Variants in NEK11 observed in about 807,000 individuals in gnomAD.
NEK11 encodes the protein serine/threonine-protein kinase Nek11.
NEK11 carries 72 observed loss-of-function variants against 80.7 expected under a neutral mutation model. The observed-to-expected ratio is 0.89, with a 90% CI of 0.74 to 1.08. The LOEUF (loss-of-function observed/expected upper bound fraction) is 1.08. NEK11 is among the 50% of genes least tolerant of loss of function. The pLI is 0.00. For synonymous variants in NEK11, 251 were observed against 260.7 expected (o/e 0.96, Z 0.36); for missense variants, 764 against 763.6 (o/e 1.00, Z -0.01).
chr3:131,341,762 CT>C (rs1172022125), intron 17 of NEK11, among the ~76,000 whole-genome samples: 1 of 151,940 alleles, frequency 6.6e-6, no homozygotes, highest in African/African-American at 2.4e-5. Flanking sequence ...TCTAATAATG[CT>C]TTTTTAACTT....
intron 3 of NEK11, among the ~76,000 whole-genome samples, chr3:131,050,895 G>A (rs1172146052): frequency 1.3e-5 from 2 of 151,956 alleles, no homozygotes; most frequent in Non-Finnish European, 2.9e-5. Flanking sequence ...GCATGGTGGC[G>A]CATGCCTGCA....
At chr3:131,184,351 T>G (rs1166758808) in intron 14 of NEK11, among the ~76,000 whole-genome samples, 1 of 152,184 alleles carries the variant, frequency 6.6e-6, no homozygotes, top group Non-Finnish European at 1.5e-5. Flanking sequence ...GATCAGAAGA[T>G]GCATTTTTAA....
intron 7 of NEK11, among the ~76,000 whole-genome samples, chr3:131,149,105 C>T (rs1175848045): frequency 6.6e-6 from 1 of 151,840 alleles, no homozygotes; most frequent in Non-Finnish European, 1.5e-5. Context: ...CAGCAACCGC[C>T]TTCTTTATTT....
chr3:131,260,235 G>A (rs1174182435), intron 16 of NEK11, among the ~76,000 whole-genome samples: 1 of 151,838 alleles, frequency 6.6e-6, no homozygotes, highest in Non-Finnish European at 1.5e-5. Flanking sequence ...ATTTGGTTGT[G>A]GCACTTCTAT....
At chr3:131,296,959 G>A (rs1197326522) in intron 17 of NEK11, among the ~76,000 whole-genome samples, 2 of 151,948 alleles carry the variant, frequency 1.3e-5, no homozygotes, top group Non-Finnish European at 2.9e-5. Context: ...ATGATTTCCA[G>A]TTTCATCCAT....
At chr3:131,314,637 A>G (rs932272043) in intron 17 of NEK11, among the ~76,000 whole-genome samples, 1 of 152,202 alleles carries the variant, frequency 6.6e-6, no homozygotes, top group Non-Finnish European at 1.5e-5. Context: ...TGGAGCTGAG[A>G]TAATAGCTGA....
intron 17 of NEK11, among the ~76,000 whole-genome samples, chr3:131,274,726 T>G (rs1290745291): frequency 7.5e-6 from 1 of 132,710 alleles, no homozygotes; most frequent in African/African-American, 2.8e-5. Flanking sequence ...CAATCTCGGC[T>G]CACTGCAAGC....
intron 14 of NEK11, among the ~76,000 whole-genome samples, chr3:131,225,404 C>G (rs1288320563): frequency 6.6e-6 from 1 of 152,130 alleles, no homozygotes; most frequent in African/African-American, 2.4e-5. Context: ...TGACATATTC[C>G]TCAGAACATA....
intron 14 of NEK11, chr3:131,175,158 T>C (rs2150106805): frequency 1.0e-6 from 1 of 959,704 alleles, no homozygotes; most frequent in Non-Finnish European, 1.2e-6. Flanking sequence ...TTTTTATTGT[T>C]TTAATTTTAA....
chr3:131,086,312 G>T (rs1168137740), intron 4 of NEK11, among the ~76,000 whole-genome samples: 2 of 151,974 alleles, frequency 1.3e-5, no homozygotes, highest in East Asian at 1.9e-4. Context: ...TGCCTGTGGC[G>T]ATTCTTACTC....
intron 5 of NEK11, among the ~76,000 whole-genome samples, chr3:131,122,625 AC>A (rs2082586118): frequency 1.3e-5 from 2 of 152,186 alleles, no homozygotes; most frequent in South Asian, 4.1e-4. Context: ...TTTGTGATCC[AC>A]CCTGAGAACC....
At chr3:131,295,692 C>G (rs531898370) in intron 17 of NEK11, among the ~76,000 whole-genome samples, 110 of 152,164 alleles carry the variant, frequency 7.2e-4, no homozygotes, top group African/African-American at 2.5e-3. Flanking sequence ...CTATTTTTAA[C>G]TAGTATGCTA....
intron 17 of NEK11, among the ~76,000 whole-genome samples, chr3:131,316,729 C>T (rs767182480): frequency 6.6e-6 from 1 of 152,150 alleles, no homozygotes; most frequent in Non-Finnish European, 1.5e-5. Context: ...CCTAGGCATG[C>T]CAGCATCCAA....
At chr3:131,056,410 C>CA (rs1276811711) in intron 3 of NEK11, among the ~76,000 whole-genome samples, 2 of 152,164 alleles carry the variant, frequency 1.3e-5, no homozygotes, top group Non-Finnish European at 2.9e-5. Flanking sequence ...AGGGTCAGGA[C>CA]ACTCACTGTG....
At chr3:131,070,153 G>A (rs895406978) in intron 3 of NEK11, among the ~76,000 whole-genome samples, 3 of 151,858 alleles carry the variant, frequency 2.0e-5, no homozygotes, top group Non-Finnish European at 2.9e-5. Context: ...TAATTTCCTC[G>A]CCTGCATAAG....
intron 4 of NEK11, among the ~76,000 whole-genome samples, chr3:131,082,949 T>C (rs2075487698): frequency 6.6e-6 from 1 of 152,216 alleles, no homozygotes; most frequent in Admixed American, 6.5e-5. Flanking sequence ...CATAGTACAG[T>C]AATCAAAATC....
intron 7 of NEK11, among the ~76,000 whole-genome samples, chr3:131,140,314 C>T (rs1404819713): frequency 6.6e-6 from 1 of 152,120 alleles, no homozygotes; most frequent in Non-Finnish European, 1.5e-5. Context: ...GAGAGGGCCA[C>T]ATTGAGAGGA....
chr3:131,044,714 A>G (rs6771633), intron 3 of NEK11, among the ~76,000 whole-genome samples: 138,278 of 152,018 alleles, frequency 0.91, 63,417 homozygotes, highest in Non-Finnish European at 0.95. Context: ...ACAGATCAAC[A>G]AGACAGAAAA....
At chr3:131,317,299 A>G (rs1318803567) in intron 17 of NEK11, among the ~76,000 whole-genome samples, 2 of 152,202 alleles carry the variant, frequency 1.3e-5, no homozygotes, top group Non-Finnish European at 2.9e-5. Context: ...ATTCCTCAAT[A>G]AGGGTTCCTG....
Sources: allele counts gnomAD v4.1 joint callset (sites outside exome capture counted in the v4.1 genomes callset), GRCh38; gene constraint gnomAD v4.1.1; transcripts MANE v1.5; gene names NCBI Gene and HGNC (gene_info 2026-07-23, HGNC 2026-07-21).